Variants in CCAR1 observed in about 807,000 individuals in gnomAD.
CCAR1 encodes cell division cycle and apoptosis regulator protein 1.
Under a neutral mutation model 163.8 loss-of-function variants are expected in CCAR1, and 78 were observed. The observed-to-expected ratio is 0.48, with a 90% confidence interval of 0.40 to 0.57. CCAR1 has a LOEUF of 0.57. Ranked by LOEUF, CCAR1 falls within the 20% of genes least tolerant of loss-of-function variation. CCAR1 has a pLI of 0.00. For synonymous variants in CCAR1, 443 were observed against 460.7 expected (o/e 0.96, Z 0.49); for missense variants, 1,019 against 1,365.2 (o/e 0.75, Z 4.00).
chr10:68,782,795 A>G (rs757358064), intron 19 of CCAR1, among the ~76,000 whole-genome samples: 1 of 152,044 alleles, frequency 6.6e-6, no homozygotes, highest in Non-Finnish European at 1.5e-5. Context: ...TTACTCCTTT[A>G]TCATGTAACC....
intron 17 of CCAR1, among the ~76,000 whole-genome samples, chr10:68,768,903 C>A (rs547390214): frequency 6.6e-6 from 1 of 152,288 alleles, no homozygotes; most frequent in East Asian, 1.9e-4. Context: ...AGAAAATGAT[C>A]TGATTAACAT....
intron 20 of CCAR1, 47 bp downstream of exon 20, chr10:68,786,265 T>C: frequency 7.9e-7 from 1 of 1,267,996 alleles, no homozygotes; most frequent in Admixed American, 1.9e-5. Flanking sequence ...ATATCTTACA[T>C]CATCTAAACA....
Position 68,722,534 on chromosome 10 carries a change from G to A in CCAR1, c.30G>A (p.Pro10=), listed in dbSNP as rs373345073. 19 of 1,613,712 alleles carry A rather than the reference G, an allele frequency of 1.2e-5. No homozygotes were observed. The African/African-American group carries it at 1.5e-4, about 12-fold the overall frequency. ...CTCAATTTGGAGGACAGAAGAATCC[G>A]CCATGGGCTACTCAGTTTACAGCCA... is the stretch of plus-strand genomic sequence containing the variant. MAQFGGQKN[P]PWATQFTATA... Residue 10 remains proline, a synonymous_variant, in exon 2 of 25, where the codon CCG becomes CCA. Coordinates refer to ENST00000265872, the MANE Select transcript of CCAR1 (RefSeq NM_018237.4).
At chr10:68,736,580 CT>C (rs549951758) in intron 2 of CCAR1, among the ~76,000 whole-genome samples, 3 of 152,072 alleles carry the variant, frequency 2.0e-5, no homozygotes, top group African/African-American at 4.8e-5. Flanking sequence ...ATGCAATACT[CT>C]TTTTTCTGTG....
At chr10:68,728,655 A>G (rs1048262613) in intron 2 of CCAR1, among the ~76,000 whole-genome samples, 1 of 152,162 alleles carries the variant, frequency 6.6e-6, no homozygotes. Context: ...CCTTTTCCTT[A>G]TAGAATAGCA....
chr10:68,791,519 A>G lies in CCAR1; in HGVS notation c.*253A>G, dbSNP rs2056851664. The G allele has an allele frequency of 8.1e-6, 2 of 246,922 alleles. No homozygotes were observed. Among genetic ancestry groups the G allele is most frequent in the African/African-American group, 4.5e-5 (2 of 44,506 alleles). 15.3% of individuals were successfully genotyped at this position (246,922 alleles called of 1,614,324 possible). On this transcript the variant is annotated 3_prime_UTR_variant, in exon 25 of 25. Coordinates refer to ENST00000265872, the MANE Select transcript of CCAR1 (RefSeq NM_018237.4). ...AAAGTGTTTTAGGATGAACTTTGTT[A>G]TAGTTTTAACTCCAATAAAGTTCAT... is the stretch of plus-strand genomic sequence containing the variant.
chr10:68,721,269 G>GGGACCC lies in CCAR1; in HGVS notation c.-62_-57dup, dbSNP rs2055850563. On this transcript the variant is annotated 5_prime_UTR_variant, in exon 1 of 25. Transcript: ENST00000265872. Reference sequence around the variant, plus strand: ...GTTTGAAATGGCTTCGATGTTAGCCGGGACCCGACTCAGGTGAAGGTCTGG... The same window carrying GGGACCC: ...GTTTGAAATGGCTTCGATGTTAGCCGGGACCCGGACCCGACTCAGGTGAAGGTCTGG... 2 of 177,742 alleles carry GGGACCC rather than the reference G, an allele frequency of 1.1e-5. No individual in the cohort carries two copies. Among genetic ancestry groups the GGGACCC allele is most frequent in the South Asian group, 1.5e-4 (2 of 13,232 alleles). The allele number at this position is 177,742 out of a possible 1,614,324, so 11.0% of individuals were successfully genotyped here.
At position 68,747,200 on chromosome 10, in the gene CCAR1, A is replaced by T; in HGVS notation, c.558A>T (p.Val186=). The change falls in exon 7 of 25, where the codon GTA becomes GTT. Residue 186 remains valine, a synonymous_variant. Coordinates refer to ENST00000265872, the MANE Select transcript of CCAR1 (RefSeq NM_018237.4). ...AAACCCCCCAAGTAGGTGACAGAGT[A>T]TTGGTTGAAGCTACTTATAATCCTA... ...KGKTPQVGDR[V]LVEATYNPNM... 6.2e-7 allele frequency: 1 copy of T among 1,609,032 alleles called. No individual in the cohort carries two copies. The highest frequency in any genetic ancestry group is 8.5e-7 in the Non-Finnish European group (1 of 1,178,190).
chr10:68,756,663 T>C lies in CCAR1; in HGVS notation c.1836+180T>C. 1.4e-6 allele frequency: 1 copy of C among 691,538 alleles called. No homozygotes were observed. Among genetic ancestry groups the C allele is most frequent in the South Asian group, 1.5e-5 (1 of 66,566 alleles). 42.8% of individuals were successfully genotyped at this position (691,538 alleles called of 1,614,324 possible). ...TTCTTTTCTCTTAAAATTTCTGTCT[T>C]ATTATCCTAACTTTAAGAGTGCTGA... On this transcript the variant is annotated intron_variant, in intron 14 of 24. Coordinates refer to ENST00000265872, the MANE Select transcript of CCAR1 (RefSeq NM_018237.4). The surrounding 1 kb of genome is among the most constrained non-coding windows in gnomAD (Gnocchi z 5.1).
chr10:68,751,511 T>G (rs2056330354), intron 10 of CCAR1, among the ~76,000 whole-genome samples: 2 of 152,148 alleles, frequency 1.3e-5, no homozygotes, highest in Non-Finnish European at 2.9e-5. Context: ...GAATGCTCTT[T>G]TGGGAAGAGT....
intron 2 of CCAR1, among the ~76,000 whole-genome samples, chr10:68,730,671 C>T (rs1386476631): frequency 6.6e-6 from 1 of 152,044 alleles, no homozygotes; most frequent in East Asian, 1.9e-4. Context: ...AAGGTGGTTT[C>T]AGAAAACTTA....
intron 19 of CCAR1, among the ~76,000 whole-genome samples, chr10:68,774,036 G>T (rs981366955): frequency 2.6e-5 from 4 of 151,992 alleles, no homozygotes; most frequent in African/African-American, 9.7e-5. Flanking sequence ...GGGATTACAG[G>T]CATGCACCAC....
At chr10:68,725,099 G>A (rs35292993) in intron 2 of CCAR1, among the ~76,000 whole-genome samples, 15,082 of 151,886 alleles carry the variant, frequency 0.099, 935 homozygotes, top group South Asian at 0.15. Flanking sequence ...CTCAGATTGC[G>A]CCATTGCGCT....
rs372289822 is a variant in CCAR1, at chr10:68,766,122, C to T, written c.2298+43C>T. 1.3e-3 allele frequency: 1,557 copies of T among 1,160,128 alleles called. 1 individual carries two copies. The highest frequency in any genetic ancestry group is 1.8e-3 in the Non-Finnish European group (1,407 of 790,690). The allele number at this position is 1,160,128 out of a possible 1,614,324, so 71.9% of individuals were successfully genotyped here. Reference sequence around the variant, plus strand: ...AAATAAGATCCATATAAGGTCCACACATTATGACTAGTTAATATATCTCTA... The same window carrying T: ...AAATAAGATCCATATAAGGTCCACATATTATGACTAGTTAATATATCTCTA... On this transcript the variant is annotated intron_variant, in intron 17 of 24. Coordinates refer to ENST00000265872, the MANE Select transcript of CCAR1 (RefSeq NM_018237.4).
intron 20 of CCAR1, 25 bp from the exon 21 acceptor site, chr10:68,786,521 G>C (rs376730881): frequency 1.3e-6 from 2 of 1,529,942 alleles, no homozygotes; most frequent in African/African-American, 2.8e-5. Context: ...TGAATACTAT[G>C]TTTTCTACTT....
Position 68,756,823 on chromosome 10 carries a change from A to G in CCAR1, c.1836+340A>G, listed in dbSNP as rs1589170185. 6.6e-6 allele frequency among the ~76,000 whole-genome samples: 1 copy of G among 152,238 alleles called. No individual in the cohort carries two copies. The highest frequency in any genetic ancestry group is 2.1e-4 in the South Asian group (1 of 4,832). On this transcript the variant is annotated intron_variant, in intron 14 of 24. Transcript: ENST00000265872. This position sits in a 1 kb window ranked among gnomAD's most constrained non-coding sequence, Gnocchi z 5.1. ...CATTTTAAACATTTTGCCATTTTCTAAAATTTAAAAAATTTTCTTTTTCAT... is the reference window on the plus strand; with the variant it reads ...CATTTTAAACATTTTGCCATTTTCTGAAATTTAAAAAATTTTCTTTTTCAT...
intron 19 of CCAR1, among the ~76,000 whole-genome samples, chr10:68,781,151 T>C (rs1026956786): frequency 6.8e-6 from 1 of 147,078 alleles, no homozygotes; most frequent in South Asian, 2.2e-4. Context: ...GAGAATTGTT[T>C]GAACCAGAGA....
chr10:68,786,227 T>C lies in CCAR1; in HGVS notation c.2733+9T>C, dbSNP rs1426124374. Reference sequence around the variant, plus strand: ...GGCCCTCTAAAGATAAGGTGTTTATTGAATACTGTATTCTTTATAATATGG... The same window carrying C: ...GGCCCTCTAAAGATAAGGTGTTTATCGAATACTGTATTCTTTATAATATGG... On this transcript the variant is annotated intron_variant, in intron 20 of 24. Coordinates refer to ENST00000265872, the MANE Select transcript of CCAR1 (RefSeq NM_018237.4). 6.5e-7 allele frequency: 1 copy of C among 1,540,786 alleles called. No individual in the cohort carries two copies. The highest frequency in any genetic ancestry group is 1.1e-5 in the South Asian group (1 of 88,236).
At chr10:68,772,141 A>T (rs999208206) in intron 18 of CCAR1, among the ~76,000 whole-genome samples, 1 of 152,012 alleles carries the variant, frequency 6.6e-6, no homozygotes, top group African/African-American at 2.4e-5. Flanking sequence ...AGCCTCCCAA[A>T]GTGCTGGTAT....
Sources: allele counts gnomAD v4.1 joint callset (sites outside exome capture counted in the v4.1 genomes callset), GRCh38; gene constraint gnomAD v4.1.1; non-coding constraint Gnocchi (gnomAD v3.1); transcripts MANE v1.5; gene names NCBI Gene and HGNC (gene_info 2026-07-23, HGNC 2026-07-21).